NRG1: variants seen among roughly 807,000 people sequenced by gnomAD.
NRG1 encodes the protein pro-neuregulin-1, membrane-bound isoform.
A neutral mutation model predicts 63.8 loss-of-function variants in NRG1; 18 were observed. The observed-to-expected ratio is 0.28, with a 90% CI of 0.19 to 0.42. The LOEUF (loss-of-function observed/expected upper bound fraction) is 0.42. Among genes scored for constraint, NRG1 ranks in the 10% least tolerant of loss-of-function variants. The probability of loss-of-function intolerance (pLI) is 1.00; values close to 1 mark genes in which losing one functional copy is unlikely to be tolerated. For synonymous variants in NRG1, 302 were observed against 301.3 expected, an observed-to-expected ratio of 1.00 and a Z score of -0.02; for missense variants, 762 against 814.7, an observed-to-expected ratio of 0.94 and a Z score of 0.79.
intron 5 of NRG1, among the ~76,000 whole-genome samples, chr8:32,675,490 T>G (rs1250301750): frequency 2.0e-5 from 3 of 152,232 alleles, no homozygotes; most frequent in Admixed American, 6.5e-5. Context: ...TGCTCAGATT[T>G]GAATAAGAGT....
At chr8:32,121,112 C>A (rs1833389719) in intron 1 of NRG1, among the ~76,000 whole-genome samples, 1 of 151,960 alleles carries the variant, frequency 6.6e-6, no homozygotes, top group South Asian at 2.1e-4. Context: ...CCTATTGTTG[C>A]ATAAAAATAG....
intron 1 of NRG1, among the ~76,000 whole-genome samples, chr8:32,095,954 G>A (rs1829851268): frequency 6.6e-6 from 1 of 152,180 alleles, no homozygotes; most frequent in African/African-American, 2.4e-5. Context: ...TGAATCTCCA[G>A]AAAAGGCCTC....
intron 1 of NRG1, among the ~76,000 whole-genome samples, chr8:32,007,619 T>C (rs1277319165): frequency 6.6e-6 from 1 of 152,076 alleles, no homozygotes; most frequent in Non-Finnish European, 1.5e-5. Context: ...GGCCAGTTCA[T>C]GGCAGAGATA....
chr8:31,820,317 T>C (rs150228968), intron 1 of NRG1, among the ~76,000 whole-genome samples: 46 of 152,128 alleles, frequency 3.0e-4, no homozygotes, highest in East Asian at 2.9e-3. Context: ...CTGCCCTTCC[T>C]CCCCTCCAGA....
chr8:32,554,355 T>C (rs530209817), intron 1 of NRG1, among the ~76,000 whole-genome samples: 11 of 152,154 alleles, frequency 7.2e-5, no homozygotes, highest in South Asian at 6.2e-4. Flanking sequence ...AAAATACCAA[T>C]AGATGTCAGT....
chr8:32,511,367 G>GTATATATATATATATATATATATA (rs202038797), intron 1 of NRG1, among the ~76,000 whole-genome samples: 2 of 122,074 alleles, frequency 1.6e-5, no homozygotes, highest in South Asian at 2.8e-4. Context: ...ATATATATGT[G>GTATATATATATATATATATATATA]TATATATATA....
At chr8:32,459,530 A>C (rs1393235886) in intron 1 of NRG1, among the ~76,000 whole-genome samples, 1 of 151,776 alleles carries the variant, frequency 6.6e-6, no homozygotes, top group African/African-American at 2.4e-5. Context: ...CAGCTACTCC[A>C]GGAGGCTGAG....
intron 1 of NRG1, among the ~76,000 whole-genome samples, chr8:32,213,262 C>T (rs113187611): frequency 0.013 from 2,023 of 152,258 alleles, 50 homozygotes; most frequent in African/African-American, 0.045. Flanking sequence ...TACATATACA[C>T]CATGGAATAC....
At chr8:32,062,099 C>CTA (rs1823976533) in intron 1 of NRG1, among the ~76,000 whole-genome samples, 2 of 152,084 alleles carry the variant, frequency 1.3e-5, no homozygotes, top group South Asian at 4.1e-4. Flanking sequence ...AAAGAGCATG[C>CTA]TATAGGAGAC....
intron 7 of NRG1, 147 bp from the exon 8 acceptor site, chr8:32,754,225 A>G (rs779303046): frequency 2.3e-5 from 16 of 688,188 alleles, no homozygotes; most frequent in Non-Finnish European, 3.6e-5. Context: ...GTTGTACCTT[A>G]GCTATGTGTG....
chr8:32,740,081 A>G (rs1215378524), intron 6 of NRG1, among the ~76,000 whole-genome samples: 1 of 152,068 alleles, frequency 6.6e-6, no homozygotes, highest in African/African-American at 2.4e-5. Flanking sequence ...CAAATAAGTT[A>G]TATGAAAAAA....
At chr8:32,697,765 A>G (rs1190715782) in intron 5 of NRG1, among the ~76,000 whole-genome samples, 1 of 152,254 alleles carries the variant, frequency 6.6e-6, no homozygotes, top group African/African-American at 2.4e-5. Flanking sequence ...GCAGAAGCAG[A>G]TAAGATTTTC....
chr8:32,077,932 A>G (rs1356475247), intron 1 of NRG1, among the ~76,000 whole-genome samples: 1 of 152,176 alleles, frequency 6.6e-6, no homozygotes, highest in Admixed American at 6.5e-5. Context: ...AGAGAGACCA[A>G]CAGGAAGCAA....
rs73673844 is a variant in NRG1, at chr8:32,338,480, T to A, written c.38-257348T>A. Reference sequence around the variant, plus strand: ...GATAAGTATGAGGCATTCATGCTCATTGTGAAAGCCTTCAAAATGTCTGTA... The same window carrying A: ...GATAAGTATGAGGCATTCATGCTCAATGTGAAAGCCTTCAAAATGTCTGTA... On this transcript the variant is annotated intron_variant, in intron 1 of 10. Coordinates refer to the NRG1 transcript ENST00000519301. Among the ~76,000 whole-genome samples the A allele has an allele frequency of 6.9e-3, 1,055 of 152,244 alleles. 13 individuals carry two copies. Among genetic ancestry groups the A allele is most frequent in the African/African-American group, 0.024 (1,004 of 41,552 alleles).
chr8:32,637,886 G>A (rs2129545220), intron 5 of NRG1, among the ~76,000 whole-genome samples: 1 of 152,234 alleles, frequency 6.6e-6, no homozygotes, highest in East Asian at 1.9e-4. Context: ...GGCCCATTAA[G>A]TAGAGTTGTG....
At chr8:32,240,069 T>G (rs1479213350) in intron 1 of NRG1, among the ~76,000 whole-genome samples, 1 of 152,142 alleles carries the variant, frequency 6.6e-6, no homozygotes, top group African/African-American at 2.4e-5. Flanking sequence ...CCCAGAGAAG[T>G]AAAAACTTAG....
chr8:31,860,144 A>G (rs1828336834), intron 1 of NRG1, among the ~76,000 whole-genome samples: 1 of 152,226 alleles, frequency 6.6e-6, no homozygotes, highest in Non-Finnish European at 1.5e-5. Context: ...ATAGGTTTGC[A>G]AAACTGAGAG....
At chr8:32,351,432 C>T (rs1268498965) in intron 1 of NRG1, among the ~76,000 whole-genome samples, 1 of 152,156 alleles carries the variant, frequency 6.6e-6, no homozygotes, top group Non-Finnish European at 1.5e-5. Flanking sequence ...TACTTCGGTC[C>T]ATAAAAGGCT....
chr8:32,296,348 G>T (rs1463872297), intron 1 of NRG1, among the ~76,000 whole-genome samples: 1 of 152,094 alleles, frequency 6.6e-6, no homozygotes, highest in Non-Finnish European at 1.5e-5. Flanking sequence ...CCAGCCCTTT[G>T]GGGGGCTGAG....
Sources: allele counts gnomAD v4.1 joint callset (sites outside exome capture counted in the v4.1 genomes callset), GRCh38; gene constraint gnomAD v4.1.1; transcripts MANE v1.5; gene names NCBI Gene and HGNC (gene_info 2026-07-23, HGNC 2026-07-21).